PPRC1: variants seen among roughly 807,000 people sequenced by gnomAD.
PPRC1 encodes the protein PPARG related coactivator 1.
A neutral mutation model predicts 132.5 loss-of-function variants in PPRC1; 23 were observed. The observed-to-expected ratio is 0.17, with a 90% CI of 0.12 to 0.25. The LOEUF is 0.25. PPRC1 is among the 10% of genes least tolerant of loss of function. The pLI, the probability that PPRC1 is intolerant of heterozygous loss-of-function variation, is 1.00. For synonymous variants in PPRC1, 872 were observed against 833.5 expected (o/e 1.05, Z -0.80); for missense variants, 2,006 against 2,089.1 (o/e 0.96, Z 0.78).
At chr10:102,147,591 T>C (rs1350977597) in intron 9 of PPRC1, among the ~76,000 whole-genome samples, 199 bp downstream of exon 9, 1 of 152,208 alleles carries the variant, frequency 6.6e-6, no homozygotes, top group East Asian at 1.9e-4. Flanking sequence ...TGTCCCCTGT[T>C]GGAGCTTGGG....
In PPRC1 at chr10:102,145,026, T is replaced by G. The variant is rs781270881; in HGVS notation, c.3615T>G (p.Val1205=). 1 of 1,603,268 alleles carries G rather than the reference T, an allele frequency of 6.2e-7. No homozygotes were observed. The highest frequency in any genetic ancestry group is 8.5e-7 in the Non-Finnish European group (1 of 1,174,332). Residue 1205 remains valine (V), a synonymous_variant, in exon 8 of 14, where the codon GTT becomes GTG. Coordinates refer to ENST00000278070, the MANE Select transcript of PPRC1 (RefSeq NM_015062.5). ...CCTTTTCCCCCCCCGCCAGCGGCGT[T>G]GACATTCCCCAGGAGAAGAGGCCCC... is the stretch of plus-strand genomic sequence containing the variant. ...DSLAVGNSGG[V]DIPQEKRPLD...
At chr10:102,132,040 G>C (rs1388474745), upstream of PPRC1, among the ~76,000 whole-genome samples, 1 of 152,156 alleles carries the variant, frequency 6.6e-6, no homozygotes, top group African/African-American at 2.4e-5. Context: ...TATTTAGCTA[G>C]TGAGTGGATT....
At position 102,140,342 on chromosome 10, in the gene PPRC1, G is replaced by C. The variant is rs1054816899; in HGVS notation, c.1834G>C (p.Val612Leu). ...CCCTGTACCTGTTGACCCTGGGTTG[G>C]TTGACCTTGCTTCAACCAGCTCAGA... Reference protein sequence around the residue: ...AGPVPVDPGLVDLASTSSELV... With the variant: ...AGPVPVDPGLLDLASTSSELV... The change falls in exon 5 of 14, where the codon GTT (valine) becomes CTT (leucine). Residue 612 changes from valine to leucine, a missense_variant. Physicochemically the swap from Val to Leu is conservative, Grantham distance 32. Coordinates refer to ENST00000278070, the MANE Select transcript of PPRC1 (RefSeq NM_015062.5). The C allele has an allele frequency of 1.9e-6, 3 of 1,614,052 alleles. No homozygotes were observed. The highest frequency in any genetic ancestry group is 2.5e-6 in the Non-Finnish European group (3 of 1,180,032).
chr10:102,145,758 G>C (rs1011393713), intron 8 of PPRC1, among the ~76,000 whole-genome samples: 2 of 152,200 alleles, frequency 1.3e-5, no homozygotes, highest in Admixed American at 6.5e-5. Flanking sequence ...CCAGCTACTT[G>C]GGAGGCTGAG....
At position 102,147,011 on chromosome 10, in the gene PPRC1, C is replaced by G. The variant is rs147678394; in HGVS notation, c.4019C>G (p.Ala1340Gly). ...AAACCTGTCTTGTCCTTGGGCCCAG[C>G]TGCCCCTCCGCCCCCATGCATAGCT... ...TIKPVLSLGP[A>G]APPPPCIAAS... The change falls in exon 9 of 14, where the codon GCT (alanine) becomes GGT (glycine). Residue 1340 changes from alanine (A) to glycine (G), a missense_variant. By Grantham distance (60) the Ala-to-Gly change is moderately conservative. Around this residue, in one of 2 missense-constraint regions of PPRC1, gnomAD observed 1,914 missense variants for 1,917.2 expected, o/e 1.00. Transcript: ENST00000278070. 8,895 of 1,614,168 alleles carry G rather than the reference C, an allele frequency of 5.5e-3. 35 individuals are homozygous for G. The highest frequency in any genetic ancestry group is 6.3e-3 in the Admixed American group (380 of 60,022).
upstream of PPRC1, among the ~76,000 whole-genome samples, chr10:102,130,773 C>T (rs1272827122): frequency 6.6e-6 from 1 of 152,026 alleles, no homozygotes; most frequent in Non-Finnish European, 1.5e-5. Flanking sequence ...AACTAAACAG[C>T]CAGGCACACT....
chr10:102,144,464 C>T (rs2069131655), intron 7 of PPRC1, 157 bp downstream of exon 7: 7 of 691,308 alleles, frequency 1.0e-5, no homozygotes, highest in Middle Eastern at 4.0e-4. Context: ...CTATCACTAC[C>T]GGGCAGTGTC....
the PPRC1 span, among the ~76,000 whole-genome samples, chr10:102,121,191 T>C: frequency 6.6e-6 from 1 of 151,984 alleles, no homozygotes; most frequent in African/African-American, 2.4e-5. Flanking sequence ...GGAGGGGCGA[T>C]AGGAGGCCAT....
At chr10:102,136,621 TTTC>T (rs1394035606) in intron 1 of PPRC1, among the ~76,000 whole-genome samples, 1 of 152,174 alleles carries the variant, frequency 6.6e-6, no homozygotes, top group Non-Finnish European at 1.5e-5. Context: ...TTATTATTAA[TTTC>T]TTATTGTGCT....
chr10:102,127,461 C>T, the PPRC1 span, among the ~76,000 whole-genome samples: 1 of 152,286 alleles, frequency 6.6e-6, no homozygotes, highest in Middle Eastern at 3.4e-3. Context: ...AGCTGGAGTA[C>T]AGTTGCACGA....
In PPRC1 at chr10:102,147,324, C is replaced by CTCATCA; in HGVS notation, c.4335_4340dup (p.Ser1450_Ser1451dup). 6.2e-7 allele frequency: 1 copy of CTCATCA among 1,612,128 alleles called. No individual in the cohort carries two copies. Among genetic ancestry groups the CTCATCA allele is most frequent in the South Asian group, 1.1e-5 (1 of 91,086 alleles). ...GGACTAGCGAAGCATCTTCCTCATC[C>CTCATCA]TCATCATCGTCTTCCTCATCCCGAT... On this transcript the variant is annotated inframe_insertion, in exon 9 of 14. Transcript: ENST00000278070.
At chr10:102,142,181 G>A (rs138273710) in intron 5 of PPRC1, among the ~76,000 whole-genome samples, 177 bp downstream of exon 5, 9 of 152,006 alleles carry the variant, frequency 5.9e-5, no homozygotes, top group African/African-American at 2.2e-4. Context: ...GTGCAATCTC[G>A]GCTCACTGCC....
In PPRC1 at chr10:102,139,550, A is replaced by G. The variant is rs1234519997; in HGVS notation, c.1042A>G (p.Ile348Val). 1.9e-6 allele frequency: 3 copies of G among 1,613,708 alleles called. No individual in the cohort carries two copies. The highest frequency in any genetic ancestry group is 2.5e-6 in the Non-Finnish European group (3 of 1,179,918). Residue 348 changes from isoleucine to valine, a missense_variant, in exon 5 of 14, where the codon ATT (isoleucine) becomes GTT (valine). This residue lies in a region of PPRC1 where 1,914 missense variants were observed against 1,917.2 expected (regional missense o/e 1.00). Transcript: ENST00000278070. ...TLPEGCVVLE[I>V]VGQAATAGDD... ...GCCTGAGGGCTGCGTAGTGCTGGAGATTGTGGGGCAGGCAGCCACAGCTGG... is the reference window on the plus strand; with the variant it reads ...GCCTGAGGGCTGCGTAGTGCTGGAGGTTGTGGGGCAGGCAGCCACAGCTGG...
At chr10:102,134,039 T>A (rs1222883088) in intron 1 of PPRC1, among the ~76,000 whole-genome samples, 1 of 151,954 alleles carries the variant, frequency 6.6e-6, no homozygotes, top group Non-Finnish European at 1.5e-5. Context: ...AGTGAGTTTG[T>A]GGCGCTTCCG....
the PPRC1 span, among the ~76,000 whole-genome samples, chr10:102,127,019 TCATATA>T: frequency 2.7e-3 from 212 of 78,878 alleles, 4 homozygotes; most frequent in African/African-American, 7.7e-3. Flanking sequence ...TGGTTTTTTA[TCATATA>T]TATATATATA....
chr10:102,120,446 C>T, the PPRC1 span: 13 of 964,652 alleles, frequency 1.3e-5, no homozygotes, highest in Non-Finnish European at 1.2e-5. Flanking sequence ...CCCCCCTCTC[C>T]GCCCTCGCGC....
chr10:102,123,705 A>T, the PPRC1 span, among the ~76,000 whole-genome samples: 24 of 147,872 alleles, frequency 1.6e-4, no homozygotes, highest in South Asian at 5.2e-3. Flanking sequence ...TAATTTTTGT[A>T]TTTTTTTTAG....
chr10:102,131,281 T>G (rs2068537841), upstream of PPRC1, among the ~76,000 whole-genome samples: 1 of 151,946 alleles, frequency 6.6e-6, no homozygotes. Context: ...ATGGATCCTT[T>G]GAGCTTGAGA....
intron 1 of PPRC1, among the ~76,000 whole-genome samples, chr10:102,133,645 A>G (rs1220790019): frequency 2.6e-5 from 4 of 151,618 alleles, no homozygotes; most frequent in Non-Finnish European, 4.4e-5. Context: ...CCGGGCATCC[A>G]CGTGGGTCGG....
Sources: gnomAD v4.1 joint callset for allele counts (sites outside exome capture counted in the v4.1 genomes callset) on GRCh38, gnomAD v4.1.1 for gene constraint, gnomAD v4.1.1 regional missense constraint, MANE v1.5 for transcripts, NCBI Gene and HGNC (gene_info 2026-07-23, HGNC 2026-07-21) for gene names.